Variants in NUP93 observed in about 807,000 individuals in gnomAD.
NUP93 encodes the protein nuclear pore complex protein Nup93.
NUP93 carries 55 observed loss-of-function variants against 107.8 expected under a neutral mutation model. That is an observed-to-expected ratio of 0.51 (90% confidence interval 0.41 to 0.64). The LOEUF (loss-of-function observed/expected upper bound fraction) is 0.64, where lower values mean the gene tolerates loss of function less well. NUP93 is among the 30% of genes least tolerant of loss of function. The pLI, the probability that NUP93 is intolerant of heterozygous loss-of-function variation, is 0.00. For synonymous variants in NUP93, 390 were observed against 397.5 expected (o/e 0.98, Z 0.22); for missense variants, 937 against 1,044.7 (o/e 0.90, Z 1.42).
At chr16:56,747,198 C>T (rs1044965927) in intron 1 of NUP93, among the ~76,000 whole-genome samples, 6 of 152,088 alleles carry the variant, frequency 3.9e-5, no homozygotes, top group African/African-American at 1.4e-4. Context: ...GGAGGTTTCA[C>T]CACGTTGGCC....
At chr16:56,784,376 A>G (rs1962581098) in intron 3 of NUP93, among the ~76,000 whole-genome samples, 1 of 152,230 alleles carries the variant, frequency 6.6e-6, no homozygotes, top group African/African-American at 2.4e-5. Flanking sequence ...TGACAAAACA[A>G]GATTTTTGTT....
chr16:56,807,893 G>C (rs1322368449), intron 5 of NUP93, among the ~76,000 whole-genome samples: 4 of 151,408 alleles, frequency 2.6e-5, no homozygotes, highest in Admixed American at 6.6e-5. Context: ...CTGGTGGCGT[G>C]TGCCTGTAAT....
At chr16:56,752,256 T>TA (rs1464997962) in intron 2 of NUP93, among the ~76,000 whole-genome samples, 2 of 152,088 alleles carry the variant, frequency 1.3e-5, no homozygotes, top group South Asian at 2.1e-4. Context: ...GATATACTGG[T>TA]AAAAAACACA....
intron 3 of NUP93, among the ~76,000 whole-genome samples, chr16:56,790,399 C>G (rs1962733031): frequency 6.6e-6 from 1 of 152,180 alleles, no homozygotes; most frequent in African/African-American, 2.4e-5. Context: ...TAATGAACAT[C>G]TCTTTGCACT....
chr16:56,771,716 T>C (rs1962325804), intron 3 of NUP93, among the ~76,000 whole-genome samples: 1 of 152,224 alleles, frequency 6.6e-6, no homozygotes. Context: ...ATCTGAGATA[T>C]ACTTTGGAAC....
chr16:56,819,027 T>G (rs1963491777), intron 6 of NUP93, among the ~76,000 whole-genome samples: 1 of 152,240 alleles, frequency 6.6e-6, no homozygotes, highest in South Asian at 2.1e-4. Flanking sequence ...TTCAGGTAAC[T>G]GCGCTGCTTA....
intron 1 of NUP93, among the ~76,000 whole-genome samples, chr16:56,740,195 G>A (rs1313366571): frequency 1.4e-5 from 2 of 147,226 alleles, no homozygotes; most frequent in Non-Finnish European, 3.0e-5. Flanking sequence ...CAGATGGGGT[G>A]GCTGCCGGGC....
intron 3 of NUP93, among the ~76,000 whole-genome samples, chr16:56,780,157 C>T (rs1938254348): frequency 6.6e-6 from 1 of 152,198 alleles, no homozygotes; most frequent in African/African-American, 2.4e-5. Context: ...GCAGTTTTCT[C>T]AGCTGTTAGT....
In NUP93 at chr16:56,847,809, T is replaced by G; in HGVS notation, c.*3200T>G. 6.6e-6 allele frequency: 1 copy of G among 152,166 alleles called. No individual in the cohort carries two copies. The highest frequency in any genetic ancestry group is 2.1e-4 in the South Asian group (1 of 4,834). The allele number at this position is 152,166 out of a possible 1,614,324, so 9.4% of individuals were successfully genotyped here. On this transcript the variant is annotated 3_prime_UTR_variant, in exon 22 of 22. Coordinates refer to ENST00000308159, the MANE Select transcript of NUP93 (RefSeq NM_014669.5). ...ACTGGGGCCAGGATGCAGACCCAGC[T>G]CCTGTCCTCCGCGAACTTACAGTCT...
intron 21 of NUP93, 108 bp from the exon 22 acceptor site, chr16:56,844,391 G>A (rs532010490): frequency 1.5e-5 from 8 of 531,174 alleles, no homozygotes; most frequent in Admixed American, 1.2e-4. Flanking sequence ...TCCCTGACAC[G>A]CTGGGGTAGA....
At chr16:56,820,146 G>A (rs182699557) in intron 6 of NUP93, among the ~76,000 whole-genome samples, 38 of 152,144 alleles carry the variant, frequency 2.5e-4, no homozygotes, top group Non-Finnish European at 2.9e-5. Flanking sequence ...ACATTTCATA[G>A]CACATACAAC....
At chr16:56,737,124 C>G (rs1961627037) in intron 1 of NUP93, among the ~76,000 whole-genome samples, 1 of 152,182 alleles carries the variant, frequency 6.6e-6, no homozygotes, top group African/African-American at 2.4e-5. Context: ...CTCAGATCAC[C>G]ATAATAAAAT....
chr16:56,810,679 CAATG>C (rs1368616860), intron 5 of NUP93, among the ~76,000 whole-genome samples: 2 of 152,098 alleles, frequency 1.3e-5, no homozygotes, highest in Admixed American at 6.6e-5. Context: ...GTGTACAACT[CAATG>C]AATCATCACA....
intron 1 of NUP93, among the ~76,000 whole-genome samples, chr16:56,745,867 TA>T (rs1470394153): frequency 1.3e-5 from 2 of 152,236 alleles, no homozygotes; most frequent in Admixed American, 1.3e-4. Flanking sequence ...CATGTTAAAG[TA>T]AATGACTGAT....
intron 8 of NUP93, among the ~76,000 whole-genome samples, chr16:56,824,180 A>T (rs1963609702): frequency 6.6e-6 from 1 of 151,836 alleles, no homozygotes; most frequent in South Asian, 2.1e-4. Context: ...TTCAGCCATT[A>T]CTCCTTAGGC....
chr16:56,749,919 A>C (rs544227664), intron 2 of NUP93, among the ~76,000 whole-genome samples: 2 of 152,254 alleles, frequency 1.3e-5, no homozygotes, highest in East Asian at 3.9e-4. Context: ...GCCTTTAGAC[A>C]CTTCTGCTAA....
At chr16:56,807,527 T>A (rs1328433695) in intron 5 of NUP93, among the ~76,000 whole-genome samples, 1 of 152,204 alleles carries the variant, frequency 6.6e-6, no homozygotes, top group Non-Finnish European at 1.5e-5. Flanking sequence ...TGGAATACTG[T>A]AGATGCTCAG....
At chr16:56,790,951 A>G (rs1349629919) in intron 3 of NUP93, among the ~76,000 whole-genome samples, 10 of 152,212 alleles carry the variant, frequency 6.6e-5, no homozygotes, top group African/African-American at 1.9e-4. Flanking sequence ...TTCAACAACA[A>G]TGACCATTCC....
intron 5 of NUP93, among the ~76,000 whole-genome samples, chr16:56,815,594 T>C (rs1963404033): frequency 6.6e-6 from 1 of 152,150 alleles, no homozygotes; most frequent in Non-Finnish European, 1.5e-5. Flanking sequence ...GTTGTGGTGG[T>C]TTCTTTTTGT....
Sources: allele counts gnomAD v4.1 joint callset (sites outside exome capture counted in the v4.1 genomes callset), GRCh38; gene constraint gnomAD v4.1.1; transcripts MANE v1.5; gene names NCBI Gene and HGNC (gene_info 2026-07-23, HGNC 2026-07-21).